The following PIK3C2G variants were observed in gnomAD, a reference collection of about 807,000 sequenced individuals.
PIK3C2G encodes the protein phosphatidylinositol 3-kinase C2 domain-containing subunit gamma.
In PIK3C2G, 168 loss-of-function variants were observed where a neutral mutation model predicts 181.1. The ratio of observed to expected loss-of-function variants is 0.93; its 90% CI spans 0.82 to 1.05. PIK3C2G has a LOEUF of 1.05. Ranked by LOEUF, PIK3C2G falls within the 50% of genes least tolerant of loss-of-function variation. The pLI, the probability that PIK3C2G is intolerant of heterozygous loss-of-function variation, is 0.00. For missense variants in PIK3C2G, 1,869 were observed against 1,732.8 expected (o/e 1.08, Z -1.40); for synonymous variants, 573 against 592.2 (o/e 0.97, Z 0.47).
chr12:18,581,167 T>C (rs939733176), intron 29 of PIK3C2G, among the ~76,000 whole-genome samples: 2 of 152,240 alleles, frequency 1.3e-5, no homozygotes, highest in African/African-American at 4.8e-5. Context: ...GCAAACAAAG[T>C]ATCTGAACTT....
chr12:18,244,378 T>A (rs1210588761), upstream of PIK3C2G, among the ~76,000 whole-genome samples: 1 of 152,034 alleles, frequency 6.6e-6, no homozygotes, highest in Admixed American at 6.5e-5. Context: ...TATGTTAGAT[T>A]GTTTAATAAA....
At chr12:18,726,209 C>T in the PIK3C2G span, among the ~76,000 whole-genome samples, 1 of 152,090 alleles carries the variant, frequency 6.6e-6, no homozygotes, top group African/African-American at 2.4e-5. Context: ...ATGCATATCC[C>T]AGAAGATATG....
intron 1 of PIK3C2G, among the ~76,000 whole-genome samples, chr12:18,278,185 A>C (rs1949064904): frequency 6.6e-6 from 1 of 152,212 alleles, no homozygotes; most frequent in Non-Finnish European, 1.5e-5. Flanking sequence ...TCTGTAAGTC[A>C]GAAGTCCAAC....
chr12:18,391,086 C>A (rs764095978), intron 14 of PIK3C2G, 36 bp from the exon 15 acceptor site: 2 of 1,553,102 alleles, frequency 1.3e-6, no homozygotes, highest in South Asian at 1.2e-5. Flanking sequence ...TTTTGAGACA[C>A]CTTCAACACA....
At chr12:18,490,659 A>T (rs1177495157) in intron 19 of PIK3C2G, among the ~76,000 whole-genome samples, 1 of 152,152 alleles carries the variant, frequency 6.6e-6, no homozygotes, top group Non-Finnish European at 1.5e-5. Flanking sequence ...GGCTTATTTC[A>T]CATAACATAA....
intron 24 of PIK3C2G, among the ~76,000 whole-genome samples, chr12:18,525,159 G>A (rs972513760): frequency 3.9e-5 from 6 of 151,940 alleles, no homozygotes; most frequent in African/African-American, 1.4e-4. Context: ...GGGAGGCCAA[G>A]GCAGGTGGAT....
At position 18,282,694 on chromosome 12, in the gene PIK3C2G, T is replaced by C. The variant is rs752922078; in HGVS notation, c.613T>C (p.Leu205=). The C allele has an allele frequency of 3.7e-6, 6 of 1,613,240 alleles. No individual in the cohort carries two copies. The highest frequency in any genetic ancestry group is 3.4e-6 in the Non-Finnish European group (4 of 1,179,548). ...ACATGTGAACATTGTGGAACCATCT[T>C]TGATGCTTTTGAAAGGCTCTCTTCA... The part of the protein sequence containing the change: ...SGHVNIVEPS[L]MLLKGSLQPG... Residue 205 remains leucine, a synonymous_variant, in exon 2 of 33, where the codon TTG becomes CTG. Transcript: ENST00000538779.
intron 30 of PIK3C2G, among the ~76,000 whole-genome samples, chr12:18,596,975 T>C (rs1947401127): frequency 6.6e-6 from 1 of 152,124 alleles, no homozygotes; most frequent in Admixed American, 6.6e-5. Context: ...ATAGTAGCCA[T>C]TTTGCTATGT....
chr12:18,387,954 A>C (rs1943281517), intron 14 of PIK3C2G, among the ~76,000 whole-genome samples: 1 of 152,214 alleles, frequency 6.6e-6, no homozygotes, highest in African/African-American at 2.4e-5. Context: ...CGTCTCCTTA[A>C]ACCACAGACC....
At chr12:18,705,998 G>C in the PIK3C2G span, among the ~76,000 whole-genome samples, 5 of 151,928 alleles carry the variant, frequency 3.3e-5, no homozygotes, top group East Asian at 9.7e-4. Flanking sequence ...AGGCCGAGGC[G>C]GGTGGATCAC....
intron 8 of PIK3C2G, among the ~76,000 whole-genome samples, chr12:18,332,107 A>C (rs1386238709): frequency 1.3e-5 from 2 of 152,104 alleles, no homozygotes; most frequent in Non-Finnish European, 2.9e-5. Context: ...TTTTCTTATA[A>C]TATGGTTAGA....
intron 5 of PIK3C2G, among the ~76,000 whole-genome samples, chr12:18,302,177 T>C (rs1165766489): frequency 1.3e-5 from 2 of 152,186 alleles, no homozygotes; most frequent in Non-Finnish European, 2.9e-5. Context: ...GGTGAACTGA[T>C]GCTTGGGCTC....
the PIK3C2G span, among the ~76,000 whole-genome samples, chr12:18,724,355 G>C: frequency 6.6e-6 from 1 of 152,044 alleles, no homozygotes. Flanking sequence ...AGAATGACTG[G>C]GGTCAGGGAG....
chr12:18,489,187 C>T (rs1260136355), intron 19 of PIK3C2G, among the ~76,000 whole-genome samples: 2 of 151,914 alleles, frequency 1.3e-5, no homozygotes, highest in African/African-American at 4.8e-5. Context: ...TTAATTATCT[C>T]CATCACTAGT....
the PIK3C2G span, among the ~76,000 whole-genome samples, chr12:18,665,312 G>T: frequency 2.0e-5 from 3 of 151,956 alleles, no homozygotes; most frequent in Non-Finnish European, 4.4e-5. Flanking sequence ...GGATATTAGT[G>T]GTAGTTGTAG....
chr12:18,680,050 T>G, the PIK3C2G span, among the ~76,000 whole-genome samples: 1 of 152,016 alleles, frequency 6.6e-6, no homozygotes, highest in Non-Finnish European at 1.5e-5. Flanking sequence ...ATAAGAACCC[T>G]TTGTTGGTAC....
chr12:18,692,954 G>A, the PIK3C2G span: 1 of 1,486,832 alleles, frequency 6.7e-7, no homozygotes, highest in Non-Finnish European at 9.4e-7. Context: ...CTCAGTGCCA[G>A]TTAAAATTAC....
intron 13 of PIK3C2G, among the ~76,000 whole-genome samples, chr12:18,375,579 A>C (rs960181755): frequency 6.6e-6 from 1 of 152,252 alleles, no homozygotes; most frequent in Non-Finnish European, 1.5e-5. Context: ...AAAAAGCATT[A>C]TCAGGAGAGA....
chr12:18,272,026 G>A (rs889464158), intron 1 of PIK3C2G, among the ~76,000 whole-genome samples: 39 of 152,044 alleles, frequency 2.6e-4, no homozygotes, highest in African/African-American at 9.2e-4. Flanking sequence ...CAAACACAAT[G>A]CCCTTTGTCT....
Sources: gnomAD v4.1 joint callset for allele counts (sites outside exome capture counted in the v4.1 genomes callset) on GRCh38, gnomAD v4.1.1 for gene constraint, MANE v1.5 for transcripts, NCBI Gene and HGNC (gene_info 2026-07-23, HGNC 2026-07-21) for gene names.